Variants in CCDC60 observed in about 807,000 individuals in gnomAD.
CCDC60 encodes the protein coiled-coil domain containing 60.
Under a neutral mutation model 63.5 loss-of-function variants are expected in CCDC60, and 54 were observed. That is an observed-to-expected ratio of 0.85 (90% CI 0.68 to 1.07). The LOEUF (loss-of-function observed/expected upper bound fraction) is 1.07. Ranked by LOEUF, CCDC60 falls within the 50% of genes least tolerant of loss-of-function variation. The probability of loss-of-function intolerance (pLI) is 0.00; values close to 1 mark genes in which losing one functional copy is unlikely to be tolerated. For missense variants in CCDC60, 651 were observed against 684.3 expected (o/e 0.95, Z 0.54); for synonymous variants, 206 against 238.8 (o/e 0.86, Z 1.27).
intron 2 of CCDC60, among the ~76,000 whole-genome samples, chr12:119,441,834 A>C (rs1164647284): frequency 6.6e-6 from 1 of 152,214 alleles, no homozygotes; most frequent in Non-Finnish European, 1.5e-5. Context: ...GCCATTATGA[A>C]TAAAGCTGCT....
At chr12:119,536,992 A>G (rs1251962480) in intron 13 of CCDC60, among the ~76,000 whole-genome samples, 1 of 152,164 alleles carries the variant, frequency 6.6e-6, no homozygotes, top group African/African-American at 2.4e-5. Flanking sequence ...CCTGGATAAT[A>G]TCCTGCAGAA....
chr12:119,476,626 A>G (rs965433762), intron 3 of CCDC60, among the ~76,000 whole-genome samples: 6 of 152,138 alleles, frequency 3.9e-5, no homozygotes, highest in African/African-American at 1.4e-4. Flanking sequence ...TGATCTTTTC[A>G]AAATATAAAT....
At chr12:119,468,152 C>T (rs1950988288) in intron 2 of CCDC60, among the ~76,000 whole-genome samples, 1 of 151,960 alleles carries the variant, frequency 6.6e-6, no homozygotes, top group Non-Finnish European at 1.5e-5. Context: ...ATTAGCCGGG[C>T]ATGGTGGCAC....
At chr12:119,431,643 A>C (rs1050815901) in intron 2 of CCDC60, among the ~76,000 whole-genome samples, 1 of 151,892 alleles carries the variant, frequency 6.6e-6, no homozygotes, top group Middle Eastern at 3.4e-3. Flanking sequence ...TGTTATCGTC[A>C]TTGTTTTTTG....
At chr12:119,463,097 TAC>T in intron 2 of CCDC60, among the ~76,000 whole-genome samples, 1 of 152,304 alleles carries the variant, frequency 6.6e-6, no homozygotes, top group East Asian at 1.9e-4. Flanking sequence ...GTGCTGGGAT[TAC>T]AAGCATGAGC....
intron 7 of CCDC60, among the ~76,000 whole-genome samples, chr12:119,514,903 T>C (rs1369201143): frequency 1.3e-5 from 2 of 152,238 alleles, no homozygotes; most frequent in African/African-American, 4.8e-5. Flanking sequence ...ATTTTGGCTG[T>C]ACCTTTTCTG....
At chr12:119,362,482 C>G (rs776643486) in intron 1 of CCDC60, among the ~76,000 whole-genome samples, 60 of 152,254 alleles carry the variant, frequency 3.9e-4, no homozygotes, top group South Asian at 2.1e-3. Context: ...TGAGTTGTGT[C>G]CATTCTTGAT....
intron 1 of CCDC60, among the ~76,000 whole-genome samples, chr12:119,363,805 A>G (rs916761672): frequency 2.6e-5 from 4 of 152,154 alleles, no homozygotes; most frequent in Admixed American, 6.5e-5. Flanking sequence ...TTTTGCTACC[A>G]TTTTTGAAAA....
intron 1 of CCDC60, among the ~76,000 whole-genome samples, chr12:119,412,948 C>T (rs1368563449): frequency 2.6e-5 from 4 of 152,048 alleles, no homozygotes; most frequent in Non-Finnish European, 4.4e-5. Flanking sequence ...GATTGGAGCC[C>T]ATTTGCCATC....
At chr12:119,436,555 T>TTTA (rs61122961) in intron 2 of CCDC60, among the ~76,000 whole-genome samples, 1 of 151,406 alleles carries the variant, frequency 6.6e-6, no homozygotes, top group South Asian at 2.1e-4. Flanking sequence ...TTTTTTTTTT[T>TTTA]GAGACAGAGT....
rs1375740012 is a variant in CCDC60, at chr12:119,398,075, A to AG, written c.91-30604dup. ...GGAGGAAGGGGGTGGGGGGAGAGGA[A>AG]GGGGCCGCGGGGGGAGGAAGGGGGC... On this transcript the variant is annotated intron_variant, in intron 1 of 13. Coordinates refer to ENST00000327554, the MANE Select transcript of CCDC60 (RefSeq NM_178499.5). Among the ~76,000 whole-genome samples the AG allele has an allele frequency of 6.7e-4, 26 of 38,542 alleles. 1 individual carries two copies. The highest frequency in any genetic ancestry group is 2.9e-3 in the African/African-American group (24 of 8,188). 25.3% of individuals were successfully genotyped at this position (38,542 alleles called of 152,430 possible). A position where few individuals can be genotyped will look rare whatever the true frequency, so the allele number is the denominator to read the frequency against.
At position 119,388,037 on chromosome 12, in the gene CCDC60, G is replaced by A. The variant is rs1055886235; in HGVS notation, c.91-40646G>A. 3 of 152,322 alleles carry A rather than the reference G, an allele frequency of 2.0e-5. No individual in the cohort carries two copies. In the East Asian group the frequency reaches 5.8e-4, roughly 29 times the overall value. The allele number at this position is 152,322 out of a possible 1,614,324, so 9.4% of individuals were successfully genotyped here. ...TCTCATGTTAAGGTGAACTCTGAAG[G>A]TTAGAGCAGCACAAAGGTGGTTAAT... is the stretch of plus-strand genomic sequence containing the variant. On this transcript the variant is annotated intron_variant, in intron 1 of 13. Coordinates refer to ENST00000327554, the MANE Select transcript of CCDC60 (RefSeq NM_178499.5).
intron 3 of CCDC60, among the ~76,000 whole-genome samples, chr12:119,477,876 T>C (rs972878772): frequency 6.6e-6 from 1 of 151,448 alleles, no homozygotes; most frequent in African/African-American, 2.4e-5. Flanking sequence ...AATTTTAAAA[T>C]ACAGACAATT....
At chr12:119,393,783 G>A (rs1009914528) in intron 1 of CCDC60, among the ~76,000 whole-genome samples, 5 of 152,188 alleles carry the variant, frequency 3.3e-5, no homozygotes, top group African/African-American at 7.2e-5. Context: ...TTTGTGTGAC[G>A]TTTTCAGTGA....
At position 119,474,207 on chromosome 12, in the gene CCDC60, A is replaced by T. The variant is rs1441022143; in HGVS notation, c.341+2043A>T. Among the ~76,000 whole-genome samples the T allele has an allele frequency of 2.0e-5, 3 of 152,336 alleles. No individual in the cohort carries two copies. The East Asian group carries it at 5.8e-4, about 29-fold the overall frequency. ...GGAATAGGTGTTGGCTTGGATATTC[A>T]TAGAATTTTTTTAAGTTCCCCTAAG... is the stretch of plus-strand genomic sequence containing the variant. On this transcript the variant is annotated intron_variant, in intron 3 of 13. Coordinates refer to ENST00000327554, the MANE Select transcript of CCDC60 (RefSeq NM_178499.5).
chr12:119,535,377 A>G (rs549427413), intron 13 of CCDC60, among the ~76,000 whole-genome samples: 3 of 152,244 alleles, frequency 2.0e-5, no homozygotes, highest in African/African-American at 7.2e-5. Flanking sequence ...TCCTGGATTC[A>G]TTGATTATTT....
At chr12:119,516,502 C>T in intron 7 of CCDC60, 121 bp from the exon 8 acceptor site, 2 of 650,574 alleles carry the variant, frequency 3.1e-6, no homozygotes, top group South Asian at 3.8e-5. Flanking sequence ...TGGAATCTCT[C>T]TCCAGATCTC....
chr12:119,377,855 G>C (rs752695794), intron 1 of CCDC60, among the ~76,000 whole-genome samples: 3 of 152,198 alleles, frequency 2.0e-5, no homozygotes, highest in Non-Finnish European at 4.4e-5. Context: ...TGGCATCGTT[G>C]TCTGGGGTAA....
chr12:119,411,190 G>A (rs1171832886), intron 1 of CCDC60, among the ~76,000 whole-genome samples: 1 of 152,170 alleles, frequency 6.6e-6, no homozygotes, highest in East Asian at 1.9e-4. Flanking sequence ...TTATCTAAAG[G>A]TAGTAAACCT....
Sources: allele counts gnomAD v4.1 joint callset (sites outside exome capture counted in the v4.1 genomes callset), GRCh38; gene constraint gnomAD v4.1.1; transcripts MANE v1.5; gene names NCBI Gene and HGNC (gene_info 2026-07-23, HGNC 2026-07-21).